ELF2: variants seen among roughly 807,000 people sequenced by gnomAD.
ELF2 encodes the protein ETS-related transcription factor Elf-2.
ELF2 carries 11 observed loss-of-function variants against 54.8 expected under a neutral mutation model. The ratio of observed to expected loss-of-function variants is 0.20; its 90% CI spans 0.13 to 0.33. The LOEUF (loss-of-function observed/expected upper bound fraction) is 0.33, where lower values mean the gene tolerates loss of function less well. ELF2 is among the 10% of genes least tolerant of loss of function. The pLI, the probability that ELF2 is intolerant of heterozygous loss-of-function variation, is 1.00. For missense variants in ELF2, 513 were observed against 703.0 expected (o/e 0.73, Z 3.06); for synonymous variants, 203 against 245.1 (o/e 0.83, Z 1.61).
chr4:139,094,632 T>G (rs1733046803), intron 4 of ELF2, among the ~76,000 whole-genome samples: 1 of 152,106 alleles, frequency 6.6e-6, no homozygotes. Context: ...TTATATAAAT[T>G]TTAATTATAT....
At chr4:139,128,374 G>A (rs183757901) in intron 3 of ELF2, among the ~76,000 whole-genome samples, 2 of 152,144 alleles carry the variant, frequency 1.3e-5, no homozygotes, top group Admixed American at 1.3e-4. Context: ...AATTAAAGAA[G>A]TTCTTTAACT....
chr4:139,092,413 ATACATAACATAACATAACAT>A (rs1732737800), intron 4 of ELF2, among the ~76,000 whole-genome samples: 3 of 53,552 alleles, frequency 5.6e-5, no homozygotes, highest in Admixed American at 2.4e-4. Flanking sequence ...ATAACATAAC[ATACATAACATAACATAACAT>A]AACATAACAT....
At chr4:139,173,745 G>A (rs528836306) in intron 1 of ELF2, among the ~76,000 whole-genome samples, 162 of 132,396 alleles carry the variant, frequency 1.2e-3, no homozygotes, top group Middle Eastern at 5.3e-3. Context: ...GCAACACAGC[G>A]AGACTCCGTC....
chr4:139,118,477 T>C (rs1371798820), intron 4 of ELF2, among the ~76,000 whole-genome samples: 1 of 152,046 alleles, frequency 6.6e-6, no homozygotes, highest in Non-Finnish European at 1.5e-5. Context: ...GAAAAATAAC[T>C]AGGAGAATAC....
At chr4:139,164,872 T>C (rs1741567950) in intron 1 of ELF2, among the ~76,000 whole-genome samples, 1 of 152,246 alleles carries the variant, frequency 6.6e-6, no homozygotes, top group African/African-American at 2.4e-5. Context: ...CCCATGATTT[T>C]ACTAAGAGCC....
At chr4:139,175,305 G>A (rs1383417724) in intron 1 of ELF2, among the ~76,000 whole-genome samples, 1 of 152,184 alleles carries the variant, frequency 6.6e-6, no homozygotes, top group Non-Finnish European at 1.5e-5. Context: ...GAGTATTTAT[G>A]TCTGAAATGA....
In ELF2 at chr4:139,115,165, T is replaced by C. The variant is rs1735516318; in HGVS notation, c.238+9999A>G. 7 of 1,612,800 alleles carry C rather than the reference T, an allele frequency of 4.3e-6. No individual in the cohort carries two copies. The Admixed American group carries it at 5.0e-5, about 12-fold the overall frequency. ...CTGCTCCAGGATCCACTCCTCTAGG[T>C]TGAGGCGCTTCCGTAGCTCCTTGCG... On this transcript the variant is annotated intron_variant, in intron 4 of 9. Transcript: ENST00000686138.
intron 1 of ELF2, among the ~76,000 whole-genome samples, chr4:139,150,105 C>T (rs1223975789): frequency 2.0e-5 from 3 of 151,898 alleles, no homozygotes; most frequent in Non-Finnish European, 4.4e-5. Flanking sequence ...TTTGGGAGGC[C>T]GAAGCAGGTG....
intron 4 of ELF2, among the ~76,000 whole-genome samples, chr4:139,078,466 GA>G (rs1348461983): frequency 6.6e-6 from 1 of 151,776 alleles, no homozygotes; most frequent in Admixed American, 6.6e-5. Flanking sequence ...TAAAAAGGGG[GA>G]AAAGGTAATT....
intron 1 of ELF2, among the ~76,000 whole-genome samples, chr4:139,147,499 T>A (rs905155770): frequency 6.6e-6 from 1 of 152,162 alleles, no homozygotes; most frequent in Admixed American, 6.5e-5. Context: ...TAAGACAGTG[T>A]CTCACTCTGT....
At chr4:139,168,791 C>A (rs893985419) in intron 1 of ELF2, among the ~76,000 whole-genome samples, 1 of 152,100 alleles carries the variant, frequency 6.6e-6, no homozygotes, top group African/African-American at 2.4e-5. Flanking sequence ...GGGTCTCAAA[C>A]TCCTGGGCTC....
chr4:139,099,672 G>A (rs552016643), intron 4 of ELF2, among the ~76,000 whole-genome samples: 1 of 152,098 alleles, frequency 6.6e-6, no homozygotes, highest in Non-Finnish European at 1.5e-5. Flanking sequence ...CCTATACCCA[G>A]ACTGACCCAG....
intron 4 of ELF2, among the ~76,000 whole-genome samples, chr4:139,124,284 C>A (rs1318687796): frequency 5.3e-5 from 8 of 152,118 alleles, no homozygotes; most frequent in Non-Finnish European, 1.0e-4. Flanking sequence ...CTTAGCTCCA[C>A]AAAAAATAAA....
rs528082624 is a variant in ELF2, at chr4:139,123,109, G to A, written c.238+2055C>T. 5.9e-5 allele frequency among the ~76,000 whole-genome samples: 9 copies of A among 151,374 alleles called. No individual in the cohort carries two copies. The East Asian group carries it at 1.4e-3, about 23-fold the overall frequency. ...TGAGGCAGGAGAATCATTTGAACCC[G>A]GGAGGCAGGGGTTACAGTGAGCCGA... On this transcript the variant is annotated intron_variant, in intron 4 of 9. Coordinates refer to ENST00000686138, the MANE Select transcript of ELF2 (RefSeq NM_001331036.3).
intron 4 of ELF2, among the ~76,000 whole-genome samples, chr4:139,119,182 A>G (rs1047229739): frequency 2.6e-5 from 4 of 152,258 alleles, no homozygotes; most frequent in Non-Finnish European, 5.9e-5. Flanking sequence ...AGACAAATAT[A>G]GAATTTACGT....
At chr4:139,121,269 C>T (rs946150794) in intron 4 of ELF2, among the ~76,000 whole-genome samples, 11 of 150,790 alleles carry the variant, frequency 7.3e-5, no homozygotes, top group Non-Finnish European at 8.9e-5. Context: ...CTACCACGCC[C>T]GGCTAATTTT....
In ELF2 at chr4:139,065,496, A is replaced by C. The variant is rs200975133; in HGVS notation, c.613+2188T>G. Reference sequence around the variant, plus strand: ...GTCTCTATAGAAAAAAATTATTAAAAATTATATTTCTGGTTTTAGGGAAAA... The same window carrying C: ...GTCTCTATAGAAAAAAATTATTAAACATTATATTTCTGGTTTTAGGGAAAA... On this transcript the variant is annotated intron_variant, in intron 7 of 9. Coordinates refer to ENST00000686138, the MANE Select transcript of ELF2 (RefSeq NM_001331036.3). Among the ~76,000 whole-genome samples, 4 of 152,156 alleles carry C rather than the reference A, an allele frequency of 2.6e-5. No homozygotes were observed. In the East Asian group the frequency reaches 7.7e-4, roughly 29 times the overall value.
intron 7 of ELF2, 182 bp downstream of exon 7, chr4:139,067,502 C>A (rs1038162909): frequency 1.8e-6 from 1 of 569,984 alleles, no homozygotes; most frequent in Non-Finnish European, 3.1e-6. Flanking sequence ...GGTGTAGGAA[C>A]TGGGCACAGA....
At chr4:139,154,013 T>C (rs1258136756) in intron 1 of ELF2, among the ~76,000 whole-genome samples, 1 of 152,200 alleles carries the variant, frequency 6.6e-6, no homozygotes, top group Non-Finnish European at 1.5e-5. Flanking sequence ...AAAACCCTCT[T>C]TGGAAAAAGC....
Sources: allele counts gnomAD v4.1 joint callset (sites outside exome capture counted in the v4.1 genomes callset), GRCh38; gene constraint gnomAD v4.1.1; transcripts MANE v1.5; gene names NCBI Gene and HGNC (gene_info 2026-07-23, HGNC 2026-07-21).